The following DOCK2 variants were observed in gnomAD, a reference collection of about 807,000 sequenced individuals.
DOCK2 encodes the protein dedicator of cytokinesis 2, also known as dedicator of cytokinesis protein 2.
A neutral mutation model predicts 248.9 loss-of-function variants in DOCK2; 87 were observed. The observed-to-expected ratio is 0.35, with a 90% CI of 0.29 to 0.42. The LOEUF (loss-of-function observed/expected upper bound fraction) is 0.42. Among genes scored for constraint, DOCK2 ranks in the 10% least tolerant of loss-of-function variants. The pLI is 1.00. For synonymous variants in DOCK2, 805 were observed against 821.6 expected (o/e 0.98, Z 0.35); for missense variants, 1,747 against 2,300.2 (o/e 0.76, Z 4.92).
chr5:169,976,558 CT>C (rs895351731), intron 27 of DOCK2, among the ~76,000 whole-genome samples: 42 of 151,978 alleles, frequency 2.8e-4, no homozygotes, highest in Admixed American at 2.6e-3. Context: ...TCATCATATA[CT>C]TTAGAAGTTT....
At chr5:169,756,882 C>T (rs1764222718) in intron 23 of DOCK2, among the ~76,000 whole-genome samples, 1 of 151,562 alleles carries the variant, frequency 6.6e-6, no homozygotes, top group Non-Finnish European at 1.5e-5. Flanking sequence ...CTGAGATCAC[C>T]CCATTGCACT....
intron 1 of DOCK2, among the ~76,000 whole-genome samples, chr5:169,638,860 T>G (rs1466657074): frequency 6.6e-6 from 1 of 152,218 alleles, no homozygotes; most frequent in African/African-American, 2.4e-5. Flanking sequence ...GGAGCGGGCC[T>G]TAAATTCAAT....
At chr5:169,984,228 C>T (rs779680064) in intron 28 of DOCK2, among the ~76,000 whole-genome samples, 1 of 152,156 alleles carries the variant, frequency 6.6e-6, no homozygotes, top group East Asian at 1.9e-4. Context: ...CCTTATACCA[C>T]ACTATCTCCT....
At position 170,082,866 on chromosome 5, in the gene DOCK2, C is replaced by T; in HGVS notation, c.*8C>T. The T allele has an allele frequency of 1.2e-6, 2 of 1,614,202 alleles. No individual in the cohort carries two copies. The highest frequency in any genetic ancestry group is 1.7e-6 in the Non-Finnish European group (2 of 1,180,026). ...CTGTCCACGGACCTGTGAGCTGCTG[C>T]TGACTAGGGCTGCATGGGAGAGCCA... is the stretch of plus-strand genomic sequence containing the variant. On this transcript the variant is annotated 3_prime_UTR_variant, in exon 52 of 52. Transcript: ENST00000520908.
intron 27 of DOCK2, among the ~76,000 whole-genome samples, chr5:169,901,071 G>T (rs1773893846): frequency 6.6e-6 from 1 of 152,168 alleles, no homozygotes; most frequent in Non-Finnish European, 1.5e-5. Context: ...AAAAAATAGA[G>T]GCCGGTGGGA....
rs553272332 is a variant in DOCK2, at chr5:169,834,956, A to G, written c.2704-5801A>G. Among the ~76,000 whole-genome samples the G allele has an allele frequency of 3.9e-5, 6 of 152,364 alleles. No individual in the cohort carries two copies. The South Asian group carries it at 1.2e-3, about 32-fold the overall frequency. On this transcript the variant is annotated intron_variant, in intron 26 of 51. Coordinates refer to ENST00000520908, the MANE Select transcript of DOCK2 (RefSeq NM_004946.3). ...AGAGAACTTAGAAAAATAGCAGAAG[A>G]GACCATTGTAAATTGGGAGATAGTA...
chr5:169,878,880 T>C (rs958913108), intron 27 of DOCK2, among the ~76,000 whole-genome samples: 15 of 152,198 alleles, frequency 9.9e-5, no homozygotes, highest in African/African-American at 3.6e-4. Flanking sequence ...TTCACCTTTA[T>C]GTACGGAAAT....
chr5:169,986,387 T>G (rs563121413), intron 29 of DOCK2, among the ~76,000 whole-genome samples: 1 of 152,318 alleles, frequency 6.6e-6, no homozygotes, highest in South Asian at 2.1e-4. Flanking sequence ...GGTACAGCAT[T>G]CCATTTGCCC....
chr5:169,903,522 C>CG (rs979381201), intron 27 of DOCK2, among the ~76,000 whole-genome samples: 1 of 39,000 alleles, frequency 2.6e-5, no homozygotes, highest in East Asian at 6.2e-4. Flanking sequence ...TAGGAGCCAG[C>CG]GGGGGCCGGG....
At chr5:169,865,064 T>C (rs915482567) in intron 27 of DOCK2, among the ~76,000 whole-genome samples, 3 of 152,238 alleles carry the variant, frequency 2.0e-5, no homozygotes, top group African/African-American at 7.2e-5. Context: ...TTGAATTGCA[T>C]CTCAACTTCA....
At chr5:170,049,350 T>C (rs1312934110) in intron 40 of DOCK2, among the ~76,000 whole-genome samples, 1 of 152,220 alleles carries the variant, frequency 6.6e-6, no homozygotes, top group Non-Finnish European at 1.5e-5. Flanking sequence ...CTTGACCTCA[T>C]GATCCGCCTG....
At chr5:169,933,459 A>G (rs973199886) in intron 27 of DOCK2, among the ~76,000 whole-genome samples, 1 of 152,252 alleles carries the variant, frequency 6.6e-6, no homozygotes, top group Non-Finnish European at 1.5e-5. Context: ...CTGGTAAATC[A>G]GTCATTATCC....
At chr5:170,012,686 C>T (rs141340194) in intron 32 of DOCK2, among the ~76,000 whole-genome samples, 119 of 152,250 alleles carry the variant, frequency 7.8e-4, no homozygotes, top group African/African-American at 2.6e-3. Flanking sequence ...TTTTGGATCC[C>T]GGGCGGACGC....
chr5:169,862,257 G>T (rs531865392), intron 27 of DOCK2, among the ~76,000 whole-genome samples: 1 of 152,300 alleles, frequency 6.6e-6, no homozygotes, highest in East Asian at 1.9e-4. Context: ...TTTGCCAAAG[G>T]CTAGTGGTAT....
At position 169,637,331 on chromosome 5, in the gene DOCK2, C is replaced by T; in HGVS notation, c.5C>T (p.Ala2Val). ...ACGCGAGGCCCCGGCCCAGCCATGG[C>T]CCCCTGGCGCAAAGCTGACAAGGAG... M[A>V]PWRKADKERH... Residue 2 changes from alanine to valine, a missense_variant, in exon 1 of 52, where the codon GCC (alanine) becomes GTC (valine). Ala to Val is a moderately conservative substitution (Grantham distance 64, BLOSUM62 0). Coordinates refer to ENST00000520908, the MANE Select transcript of DOCK2 (RefSeq NM_004946.3). 7.0e-7 allele frequency: 1 copy of T among 1,423,096 alleles called. No individual in the cohort carries two copies. Among genetic ancestry groups the T allele is most frequent in the African/African-American group, 1.5e-5 (1 of 67,370 alleles). The allele number at this position is 1,423,096 out of a possible 1,614,324, so 88.2% of individuals were successfully genotyped here.
intron 14 of DOCK2, among the ~76,000 whole-genome samples, chr5:169,705,967 G>A (rs1035260918): frequency 2.0e-5 from 3 of 152,234 alleles, no homozygotes; most frequent in African/African-American, 7.2e-5. Flanking sequence ...ATGGGGATAG[G>A]CAATGTAGAA....
intron 45 of DOCK2, among the ~76,000 whole-genome samples, chr5:170,068,345 G>A (rs918549028): frequency 6.6e-6 from 1 of 152,188 alleles, no homozygotes; most frequent in Non-Finnish European, 1.5e-5. Flanking sequence ...AAATAGAGTA[G>A]AAAGTTCTTA....
At chr5:169,975,377 C>T (rs1777678738) in intron 27 of DOCK2, among the ~76,000 whole-genome samples, 2 of 152,170 alleles carry the variant, frequency 1.3e-5, no homozygotes, top group African/African-American at 4.8e-5. Flanking sequence ...AATGGCTTCT[C>T]TTTGTACTTA....
intron 27 of DOCK2, among the ~76,000 whole-genome samples, chr5:169,852,086 G>A (rs1317067601): frequency 6.6e-6 from 1 of 151,982 alleles, no homozygotes; most frequent in African/African-American, 2.4e-5. Flanking sequence ...AGAGAGAGAG[G>A]GAAAGAGAGA....
Sources: gnomAD v4.1 joint callset for allele counts (sites outside exome capture counted in the v4.1 genomes callset) on GRCh38, gnomAD v4.1.1 for gene constraint, MANE v1.5 for transcripts, NCBI Gene and HGNC (gene_info 2026-07-23, HGNC 2026-07-21) for gene names.